OPN5: variants seen among roughly 807,000 people sequenced by gnomAD.
OPN5 encodes the protein opsin-5.
In OPN5, 18 loss-of-function variants were observed where a neutral mutation model predicts 41.7. The observed-to-expected ratio is 0.43, with a 90% CI of 0.30 to 0.64. The LOEUF (loss-of-function observed/expected upper bound fraction) is 0.64. Among genes scored for constraint, OPN5 ranks in the 30% least tolerant of loss-of-function variants. OPN5 has a pLI of 0.13. For synonymous variants in OPN5, 178 were observed against 164.3 expected (o/e 1.08, Z -0.64); for missense variants, 318 against 434.5 (o/e 0.73, Z 2.38).
intron 2 of OPN5, chr6:47,787,144 G>C: frequency 1.0e-6 from 1 of 981,856 alleles, no homozygotes; most frequent in Non-Finnish European, 1.2e-6. Flanking sequence ...TCATGACTTA[G>C]TGACATATCA....
At chr6:47,788,938 C>A (rs181794799) in intron 2 of OPN5, among the ~76,000 whole-genome samples, 67 of 151,962 alleles carry the variant, frequency 4.4e-4, no homozygotes, top group Middle Eastern at 6.8e-3. Context: ...CAAAACAATC[C>A]GTCCAGCGAT....
chr6:47,821,387 G>A (rs937983528), intron 6 of OPN5, among the ~76,000 whole-genome samples: 35 of 152,220 alleles, frequency 2.3e-4, no homozygotes, highest in African/African-American at 7.2e-4. Flanking sequence ...GGCAATCCCC[G>A]ATGGAAGTTG....
chr6:47,817,640 G>T (rs1762471156), intron 6 of OPN5, among the ~76,000 whole-genome samples: 1 of 152,140 alleles, frequency 6.6e-6, no homozygotes, highest in Non-Finnish European at 1.5e-5. Context: ...TTAACAAGAT[G>T]ACTTTCCTGC....
chr6:47,787,932 C>T (rs967666168), intron 2 of OPN5, among the ~76,000 whole-genome samples: 6 of 152,104 alleles, frequency 3.9e-5, no homozygotes, highest in Admixed American at 3.3e-4. Context: ...TTTCTCTCTT[C>T]GCAAGTGGAT....
rs533279660 is a variant in OPN5, at chr6:47,795,076, G to A, written c.422-153G>A. 386 of 613,100 alleles carry A rather than the reference G, an allele frequency of 6.3e-4. 2 individuals carry two copies. Among genetic ancestry groups the A allele is most frequent in the Non-Finnish European group, 2.4e-4 (87 of 365,648 alleles). 38.0% of individuals were successfully genotyped at this position (613,100 alleles called of 1,614,324 possible). Reference sequence around the variant, plus strand: ...GGCCCAAGCTCTGGAACTTTTTTCCGTTTACTCCACTCTCCCTCAGGCTTC... The same window carrying A: ...GGCCCAAGCTCTGGAACTTTTTTCCATTTACTCCACTCTCCCTCAGGCTTC... On this transcript the variant is annotated intron_variant, in intron 3 of 6. Transcript: ENST00000371211.
intron 3 of OPN5, among the ~76,000 whole-genome samples, chr6:47,793,490 A>G (rs917599551): frequency 2.0e-5 from 3 of 152,164 alleles, no homozygotes; most frequent in South Asian, 2.1e-4. Flanking sequence ...CTTTTCTCCC[A>G]TGTAACGTGG....
downstream of OPN5, chr6:47,825,570 A>G (rs1762767825): frequency 6.6e-6 from 1 of 152,216 alleles, no homozygotes; most frequent in Admixed American, 6.5e-5. Flanking sequence ...CTTCAAGTCA[A>G]AACTACTGTT....
intron 1 of OPN5, among the ~76,000 whole-genome samples, chr6:47,784,629 G>A (rs774867101): frequency 2.0e-5 from 3 of 152,050 alleles, no homozygotes; most frequent in African/African-American, 7.2e-5. Context: ...CTTTTAAGGA[G>A]CCAGAGTGGA....
intron 4 of OPN5, among the ~76,000 whole-genome samples, chr6:47,802,926 G>A (rs1773830494): frequency 6.6e-6 from 1 of 152,064 alleles, no homozygotes; most frequent in Admixed American, 6.6e-5. Context: ...TTGCAATTGG[G>A]AAGTGTGAAA....
At chr6:47,782,857 T>A (rs1773119741) in intron 1 of OPN5, among the ~76,000 whole-genome samples, 1 of 152,210 alleles carries the variant, frequency 6.6e-6, no homozygotes, top group Non-Finnish European at 1.5e-5. Context: ...TAGCCACATG[T>A]GGCTTTTCCA....
At chr6:47,803,667 T>A (rs888265180) in intron 4 of OPN5, among the ~76,000 whole-genome samples, 1 of 152,212 alleles carries the variant, frequency 6.6e-6, no homozygotes, top group African/African-American at 2.4e-5. Flanking sequence ...ACATCAATTC[T>A]GTATCTTCTA....
downstream of OPN5, chr6:47,825,279 C>T (rs1464428798): frequency 1.3e-5 from 2 of 152,016 alleles, no homozygotes; most frequent in African/African-American, 4.8e-5. Flanking sequence ...TATGCAAGTA[C>T]CTTTAATTGG....
chr6:47,808,403 T>G lies in OPN5; in HGVS notation c.998+8T>G, dbSNP rs762720950. The G allele has an allele frequency of 1.9e-6, 3 of 1,613,834 alleles. No homozygotes were observed. Among genetic ancestry groups the G allele is most frequent in the Admixed American group, 1.7e-5 (1 of 59,958 alleles). ...GTCTCTGGAAGGCTTCAGGTAAAAC[T>G]TCAGAAGCTGGAAATGAATTACACT... On this transcript the variant is annotated splice_region_variant and intron_variant, in intron 5 of 6. Coordinates refer to ENST00000371211, the Ensembl canonical transcript of OPN5.
exon 5 of OPN5, chr6:47,808,320 T>G: frequency 6.2e-7 from 1 of 1,614,058 alleles, no homozygotes; most frequent in South Asian, 1.1e-5. Context: ...ATTTACCAAG[T>G]TATTGATTAC....
chr6:47,788,373 C>T (rs1013194925), intron 2 of OPN5, among the ~76,000 whole-genome samples: 5 of 152,192 alleles, frequency 3.3e-5, no homozygotes, highest in Non-Finnish European at 7.4e-5. Context: ...ATAGCAGGCT[C>T]ATTGCTGAAC....
At chr6:47,809,409 A>G (rs1462698999) in intron 5 of OPN5, among the ~76,000 whole-genome samples, 1 of 152,162 alleles carries the variant, frequency 6.6e-6, no homozygotes, top group Non-Finnish European at 1.5e-5. Context: ...AATATTTTGG[A>G]CTTTAGGTTC....
Position 47,808,184 on chromosome 6 carries a change from A to G in OPN5, c.787A>G (p.Ile263Val), listed in dbSNP as rs1005508919. The change falls in exon 5 of 7, where the codon ATT becomes GTT. Residue 263 changes from isoleucine (I) to valine (V), a missense_variant. Physicochemically the swap from Ile to Val is conservative, Grantham distance 29. Around this residue, in one of 3 missense-constraint regions of OPN5, gnomAD observed 219 missense variants for 343.4 expected, o/e 0.64. Coordinates refer to ENST00000371211, the Ensembl canonical transcript of OPN5. ...GATGTTGATTTGTGCTGGATTCCTG[A>G]TTGCCTGGATTCCTTATGCAGTGGT... The G allele has an allele frequency of 5.6e-6, 9 of 1,612,924 alleles. No individual in the cohort carries two copies. The African/African-American group carries it at 1.2e-4, about 22-fold the overall frequency.
intron 6 of OPN5, among the ~76,000 whole-genome samples, chr6:47,813,113 C>A (rs199923027): frequency 0.015 from 1,738 of 114,536 alleles, 39 homozygotes; most frequent in African/African-American, 0.045. Context: ...ACAACAACAA[C>A]AAGCAACAAC....
At chr6:47,799,212 A>ATG (rs1479929628) in intron 4 of OPN5, among the ~76,000 whole-genome samples, 5 of 151,142 alleles carry the variant, frequency 3.3e-5, no homozygotes, top group African/African-American at 1.2e-4. Context: ...ATATATATAT[A>ATG]TATATACACA....
Sources: gnomAD v4.1 joint callset for allele counts (sites outside exome capture counted in the v4.1 genomes callset) on GRCh38, gnomAD v4.1.1 for gene constraint, gnomAD v4.1.1 regional missense constraint, MANE v1.5 for transcripts, NCBI Gene and HGNC (gene_info 2026-07-23, HGNC 2026-07-21) for gene names.